Variants in GPC5 observed in about 807,000 individuals in gnomAD.
GPC5 encodes glypican-5.
In GPC5, 47 loss-of-function variants were observed where a neutral mutation model predicts 53.9. The observed-to-expected ratio is 0.87, with a 90% CI of 0.69 to 1.11. The LOEUF (loss-of-function observed/expected upper bound fraction) is 1.11. Ranked by LOEUF, GPC5 falls within the 50% of genes most tolerant of loss-of-function variation. The probability of loss-of-function intolerance (pLI) is 0.00; values close to 1 mark genes in which losing one functional copy is unlikely to be tolerated. For synonymous variants in GPC5, 286 were observed against 263.3 expected, an observed-to-expected ratio of 1.09 and a Z score of -0.84; for missense variants, 748 against 713.1, an observed-to-expected ratio of 1.05 and a Z score of -0.56.
intron 7 of GPC5, among the ~76,000 whole-genome samples, chr13:92,512,503 G>C (rs1880610359): frequency 6.6e-6 from 1 of 152,138 alleles, no homozygotes. Flanking sequence ...ATAAGAAACA[G>C]CTTTACTCTA....
intron 7 of GPC5, among the ~76,000 whole-genome samples, chr13:92,575,242 C>T (rs146379049): frequency 6.6e-6 from 1 of 152,194 alleles, no homozygotes; most frequent in East Asian, 1.9e-4. Flanking sequence ...AGGGTCTTTG[C>T]AGATGTAATT....
intron 6 of GPC5, among the ~76,000 whole-genome samples, chr13:92,144,053 T>C (rs1030483842): frequency 2.6e-5 from 4 of 152,170 alleles, no homozygotes; most frequent in African/African-American, 9.6e-5. Context: ...TTAATCAGGC[T>C]TAGTTTTAAG....
rs1023595805 is a variant in GPC5 at position 91,988,856 on chromosome 13, A to G, written c.1401+80799A>G. ...TTGATTAGCACTTGGTCAAAACCTC[A>G]ATTCTGGAGTGTTTTAGATTTGAAA... On this transcript the variant is annotated intron_variant, in intron 6 of 7. Coordinates refer to ENST00000377067, the MANE Select transcript of GPC5 (RefSeq NM_004466.6). Among the ~76,000 whole-genome samples the G allele has an allele frequency of 3.3e-5, 5 of 150,042 alleles. 1 individual carries two copies. Among genetic ancestry groups the G allele is most frequent in the African/African-American group, 7.3e-5 (3 of 41,288 alleles).
chr13:91,618,692 A>G (rs1216971011), intron 2 of GPC5, among the ~76,000 whole-genome samples: 1 of 151,664 alleles, frequency 6.6e-6, no homozygotes, highest in African/African-American at 2.4e-5. Context: ...TTTGGGCTTC[A>G]TTGTTTAAGT....
intron 5 of GPC5, among the ~76,000 whole-genome samples, chr13:91,798,459 C>A (rs2038082356): frequency 2.0e-5 from 3 of 152,144 alleles, no homozygotes; most frequent in Non-Finnish European, 4.4e-5. Context: ...TTGTGTTCCC[C>A]CATTAGTTTG....
intron 7 of GPC5, among the ~76,000 whole-genome samples, chr13:92,548,816 C>A (rs1227159503): frequency 2.6e-5 from 4 of 152,046 alleles, no homozygotes; most frequent in Admixed American, 1.3e-4. Context: ...AAATTGGAAA[C>A]CCATTTCCCA....
At chr13:91,701,523 T>C (rs1437441283) in intron 3 of GPC5, among the ~76,000 whole-genome samples, 1 of 151,992 alleles carries the variant, frequency 6.6e-6, no homozygotes, top group Non-Finnish European at 1.5e-5. Context: ...AGAATTTCTT[T>C]CTTTTTAAGG....
At chr13:92,583,772 T>C (rs9584043) in intron 7 of GPC5, among the ~76,000 whole-genome samples, 5,620 of 152,262 alleles carry the variant, frequency 0.037, 286 homozygotes, top group African/African-American at 0.11. Flanking sequence ...TCAAATCTCA[T>C]CTTGAATTCC....
intron 7 of GPC5, among the ~76,000 whole-genome samples, chr13:92,480,274 A>G (rs1879298660): frequency 6.6e-6 from 1 of 152,214 alleles, no homozygotes; most frequent in Non-Finnish European, 1.5e-5. Context: ...CTTTTTAACA[A>G]GCAATTTAAA....
chr13:91,477,110 T>C (rs1354238522), intron 2 of GPC5, among the ~76,000 whole-genome samples: 1 of 152,158 alleles, frequency 6.6e-6, no homozygotes, highest in Non-Finnish European at 1.5e-5. Context: ...ATATTTATCT[T>C]TGGATGAAGA....
chr13:92,500,436 C>T (rs749132313), intron 7 of GPC5, among the ~76,000 whole-genome samples: 2 of 152,132 alleles, frequency 1.3e-5, no homozygotes, highest in Non-Finnish European at 2.9e-5. Context: ...AGCAATCATG[C>T]ACCGCAGATG....
At chr13:91,586,693 C>T (rs2139135169) in intron 2 of GPC5, among the ~76,000 whole-genome samples, 1 of 148,402 alleles carries the variant, frequency 6.7e-6, no homozygotes, top group East Asian at 2.0e-4. Context: ...CACCCCCCAG[C>T]AGGTCCCTTT....
chr13:92,517,864 C>T (rs150053582), intron 7 of GPC5, among the ~76,000 whole-genome samples: 1,746 of 152,028 alleles, frequency 0.011, 27 homozygotes, highest in African/African-American at 0.036. Flanking sequence ...AGTCTTCAGA[C>T]GATCCAACTT....
intron 6 of GPC5, among the ~76,000 whole-genome samples, chr13:92,032,501 G>T (rs1241971842): frequency 2.0e-5 from 3 of 150,550 alleles, no homozygotes; most frequent in African/African-American, 7.3e-5. Context: ...CCTCCTCCCT[G>T]CACTAATATA....
chr13:92,578,360 C>G (rs1883253409), intron 7 of GPC5, among the ~76,000 whole-genome samples: 1 of 152,052 alleles, frequency 6.6e-6, no homozygotes, highest in African/African-American at 2.4e-5. Context: ...TCAGGCTTCT[C>G]CAGAGAAACA....
At chr13:92,737,012 T>C (rs960540823) in intron 7 of GPC5, among the ~76,000 whole-genome samples, 6 of 152,030 alleles carry the variant, frequency 3.9e-5, no homozygotes, top group Admixed American at 1.3e-4. Flanking sequence ...ATGCCACTTC[T>C]GTAAGGTTCT....
At chr13:91,400,905 T>G (rs1365405914) in intron 1 of GPC5, among the ~76,000 whole-genome samples, 1 of 152,214 alleles carries the variant, frequency 6.6e-6, no homozygotes, top group East Asian at 1.9e-4. Context: ...ATGACTGTAA[T>G]TATTTGCATT....
At chr13:92,596,538 A>G (rs915216826) in intron 7 of GPC5, among the ~76,000 whole-genome samples, 2 of 152,082 alleles carry the variant, frequency 1.3e-5, no homozygotes, top group South Asian at 2.1e-4. Context: ...CAGTGGCACA[A>G]TGTTGGCTCA....
At chr13:92,203,643 AATATAT>A (rs1461933575) in intron 7 of GPC5, among the ~76,000 whole-genome samples, 1 of 119,484 alleles carries the variant, frequency 8.4e-6, no homozygotes, top group African/African-American at 2.6e-5. Context: ...ATAATAAAAA[AATATAT>A]ATATATAAAA....
Sources: allele counts gnomAD v4.1 joint callset (sites outside exome capture counted in the v4.1 genomes callset), GRCh38; gene constraint gnomAD v4.1.1; transcripts MANE v1.5; gene names NCBI Gene and HGNC (gene_info 2026-07-23, HGNC 2026-07-21).